The following PTPRQ variants were observed in gnomAD, a reference collection of about 807,000 sequenced individuals.
The protein encoded by PTPRQ is phosphatidylinositol phosphatase PTPRQ.
In PTPRQ, 199 loss-of-function variants were observed where a neutral mutation model predicts 246.0. The observed-to-expected ratio is 0.81, with a 90% confidence interval of 0.72 to 0.91. PTPRQ has a LOEUF of 0.91. PTPRQ is among the 40% of genes least tolerant of loss of function. PTPRQ has a pLI of 0.00. For synonymous variants in PTPRQ, 869 were observed against 853.2 expected, an observed-to-expected ratio of 1.02 and a Z score of -0.32; for missense variants, 2,624 against 2,528.4, an observed-to-expected ratio of 1.04 and a Z score of -0.81.
At position 80,496,260 on chromosome 12, in the gene PTPRQ, A is replaced by T. The variant is rs1043258485; in HGVS notation, c.2001A>T (p.Ser667=). Residue 667 remains serine (S), a synonymous_variant, in exon 14 of 45, where the codon TCA becomes TCT. Transcript: ENST00000644991. Reference sequence around the variant, plus strand: ...CTTTTCTTCCCCTAGAACCGGAATCATCACCTCAAGATGTCGAAGTAATTG... The same window carrying T: ...CTTTTCTTCCCCTAGAACCGGAATCTTCACCTCAAGATGTCGAAGTAATTG... The part of the protein sequence containing the change: ...FVRTSEDEPE[S]SPQDVEVIDV... 4.5e-6 allele frequency: 7 copies of T among 1,549,908 alleles called. No homozygotes were observed. The African/African-American group carries it at 8.2e-5, about 18-fold the overall frequency.
intron 24 of PTPRQ, among the ~76,000 whole-genome samples, chr12:80,547,595 G>T (rs1379982831): frequency 5.9e-5 from 9 of 152,012 alleles, no homozygotes; most frequent in South Asian, 4.1e-4. Context: ...CATTTATAAT[G>T]GATAAAAGTA....
chr12:80,638,502 A>G (rs1899740443), intron 35 of PTPRQ, among the ~76,000 whole-genome samples: 1 of 152,200 alleles, frequency 6.6e-6, no homozygotes, highest in Non-Finnish European at 1.5e-5. Flanking sequence ...AAAACAAAAA[A>G]CAAACATGGT....
intron 25 of PTPRQ, among the ~76,000 whole-genome samples, chr12:80,565,722 G>A (rs928110226): frequency 2.6e-5 from 4 of 152,060 alleles, no homozygotes; most frequent in Admixed American, 2.6e-4. Flanking sequence ...CTTCAATGTT[G>A]CATTTAAGAA....
intron 34 of PTPRQ, among the ~76,000 whole-genome samples, chr12:80,634,144 G>GT (rs1899550627): frequency 6.6e-6 from 1 of 151,942 alleles, no homozygotes; most frequent in Non-Finnish European, 1.5e-5. Flanking sequence ...CTCTTTTCAT[G>GT]TTTTTTCTGC....
intron 39 of PTPRQ, among the ~76,000 whole-genome samples, chr12:80,665,467 C>T (rs967657417): frequency 3.9e-5 from 6 of 152,100 alleles, no homozygotes; most frequent in East Asian, 3.9e-4. Flanking sequence ...TAATTGCCTT[C>T]GTGGCATTCC....
intron 9 of PTPRQ, among the ~76,000 whole-genome samples, chr12:80,488,685 A>G (rs1894356524): frequency 6.6e-6 from 1 of 152,128 alleles, no homozygotes; most frequent in East Asian, 1.9e-4. Flanking sequence ...TTTTGTAGCC[A>G]TGTAGATATA....
chr12:80,475,666 A>G (rs1893787848), intron 8 of PTPRQ, among the ~76,000 whole-genome samples: 5 of 152,076 alleles, frequency 3.3e-5, no homozygotes, highest in Admixed American at 3.3e-4. Context: ...TAGGAAAAAA[A>G]AGATAAGTTT....
chr12:80,667,186 C>A lies in PTPRQ; in HGVS notation c.6193-1821C>A, dbSNP rs530584259. On this transcript the variant is annotated intron_variant, in intron 39 of 44. Coordinates refer to ENST00000644991, the MANE Select transcript of PTPRQ (RefSeq NM_001145026.2). Reference sequence around the variant, plus strand: ...TGCTGTTCCTAGAACATTCCTGACACCCTTCTCCTTTAAGGTCGTTGGACT... The same window carrying A: ...TGCTGTTCCTAGAACATTCCTGACAACCTTCTCCTTTAAGGTCGTTGGACT... Among the ~76,000 whole-genome samples, 32 of 152,072 alleles carry A rather than the reference C, an allele frequency of 2.1e-4. No individual in the cohort carries two copies. The East Asian group carries it at 4.7e-3, about 22-fold the overall frequency.
At chr12:80,640,011 G>A (rs1205724420) in intron 35 of PTPRQ, among the ~76,000 whole-genome samples, 2 of 149,826 alleles carry the variant, frequency 1.3e-5, no homozygotes, top group Non-Finnish European at 3.0e-5. Context: ...CTTTCTCTGA[G>A]GTATGAAGAT....
At chr12:80,448,301 T>A (rs539575163) in intron 3 of PTPRQ, among the ~76,000 whole-genome samples, 13 of 151,858 alleles carry the variant, frequency 8.6e-5, no homozygotes, top group African/African-American at 2.9e-4. Context: ...GAGTTGTCGT[T>A]AGAGTTTTCT....
chr12:80,484,313 G>T (rs1894195956), intron 8 of PTPRQ, 120 bp from the exon 9 acceptor site: 1 of 1,276,070 alleles, frequency 7.8e-7, no homozygotes, highest in South Asian at 1.6e-5. Flanking sequence ...AGCCTAGTCT[G>T]TTTTCTAATA....
In PTPRQ at chr12:80,617,352, G is replaced by A. The variant is rs565763042; in HGVS notation, c.5230+1086G>A. ...TGAAACTGATAAATTTTATCTTTTT[G>A]TCAATGGATTATTTATATAATTGTG... On this transcript the variant is annotated intron_variant, in intron 30 of 44. Transcript: ENST00000644991. Among the ~76,000 whole-genome samples, 5 of 151,372 alleles carry A rather than the reference G, an allele frequency of 3.3e-5. No individual in the cohort carries two copies. In the East Asian group the frequency reaches 7.8e-4, roughly 24 times the overall value.
chr12:80,521,193 C>T (rs1895471371), intron 17 of PTPRQ, among the ~76,000 whole-genome samples: 1 of 152,008 alleles, frequency 6.6e-6, no homozygotes, highest in Non-Finnish European at 1.5e-5. Flanking sequence ...CCTTTGCCCA[C>T]GTTTTGATGG....
At chr12:80,573,731 TTTAC>T (rs1897211502) in intron 25 of PTPRQ, among the ~76,000 whole-genome samples, 1 of 152,166 alleles carries the variant, frequency 6.6e-6, no homozygotes, top group South Asian at 2.1e-4. Flanking sequence ...GTGAATTGTG[TTTAC>T]TTTCTTTTTA....
At chr12:80,628,791 A>G (rs1001560783) in intron 33 of PTPRQ, among the ~76,000 whole-genome samples, 1 of 152,190 alleles carries the variant, frequency 6.6e-6, no homozygotes, top group Non-Finnish European at 1.5e-5. Context: ...ATATGTTAAA[A>G]TAAGATAAAG....
chr12:80,570,432 T>G (rs562917148), intron 25 of PTPRQ, among the ~76,000 whole-genome samples: 1 of 152,174 alleles, frequency 6.6e-6, no homozygotes, highest in Non-Finnish European at 1.5e-5. Flanking sequence ...TGGGGTTGTT[T>G]GTTTTTTTTC....
intron 8 of PTPRQ, among the ~76,000 whole-genome samples, chr12:80,479,816 A>G (rs1893968580): frequency 6.6e-6 from 1 of 152,184 alleles, no homozygotes; most frequent in Non-Finnish European, 1.5e-5. Flanking sequence ...CAATTCAACA[A>G]GAAGAGCTAG....
At chr12:80,467,950 A>G (rs1427255788) in intron 6 of PTPRQ, among the ~76,000 whole-genome samples, 1 of 152,204 alleles carries the variant, frequency 6.6e-6, no homozygotes, top group Non-Finnish European at 1.5e-5. Flanking sequence ...TGGCACATGT[A>G]TACATATGTA....
chr12:80,483,121 C>T lies in PTPRQ; in HGVS notation c.1187-1312C>T, dbSNP rs1188237337. 2.4e-5 allele frequency among the ~76,000 whole-genome samples: 3 copies of T among 122,838 alleles called. No homozygotes were observed. In the East Asian group the frequency reaches 6.1e-4, roughly 25 times the overall value. 80.6% of individuals were successfully genotyped at this position (122,838 alleles called of 152,430 possible). On this transcript the variant is annotated intron_variant, in intron 8 of 44. Transcript: ENST00000644991. ...ATTCACAATAGCAAAGACTTGGAAC[C>T]AATCCAAATGTCCAACAATGATAGA...
Sources: gnomAD v4.1 joint callset for allele counts (sites outside exome capture counted in the v4.1 genomes callset) on GRCh38, gnomAD v4.1.1 for gene constraint, MANE v1.5 for transcripts, NCBI Gene and HGNC (gene_info 2026-07-23, HGNC 2026-07-21) for gene names.